The following ULK4 variants were observed in gnomAD, a reference collection of about 807,000 sequenced individuals.
ULK4 encodes unc-51 like kinase 4, also known as inactive serine/threonine-protein kinase ULK4.
In ULK4, 133 loss-of-function variants were observed where a neutral mutation model predicts 160.6. That is an observed-to-expected ratio of 0.83 (90% CI 0.72 to 0.96). The LOEUF (loss-of-function observed/expected upper bound fraction) is 0.96, where lower values mean the gene tolerates loss of function less well. ULK4 is among the 40% of genes least tolerant of loss of function. The pLI, the probability that ULK4 is intolerant of heterozygous loss-of-function variation, is 0.00. For synonymous variants in ULK4, 534 were observed against 539.8 expected (o/e 0.99, Z 0.15); for missense variants, 1,580 against 1,499.5 (o/e 1.05, Z -0.89).
At chr3:41,564,752 C>T (rs1365094574) in intron 32 of ULK4, among the ~76,000 whole-genome samples, 1 of 151,958 alleles carries the variant, frequency 6.6e-6, no homozygotes, top group Admixed American at 6.5e-5. Flanking sequence ...AGCCACTGCA[C>T]CCGGCCATAA....
chr3:41,689,021 C>T (rs1454057469), intron 27 of ULK4, among the ~76,000 whole-genome samples: 1 of 152,076 alleles, frequency 6.6e-6, no homozygotes, highest in Non-Finnish European at 1.5e-5. Context: ...AACTTAGGGC[C>T]GACTAGAGAA....
At chr3:41,458,713 C>T (rs908047199) in intron 33 of ULK4, among the ~76,000 whole-genome samples, 2 of 152,120 alleles carry the variant, frequency 1.3e-5, no homozygotes, top group African/African-American at 4.8e-5. Context: ...AGAAGTAAGG[C>T]ATCTATAAAG....
chr3:41,673,000 G>T (rs759568635), intron 29 of ULK4, among the ~76,000 whole-genome samples: 1 of 151,942 alleles, frequency 6.6e-6, no homozygotes, highest in Non-Finnish European at 1.5e-5. Flanking sequence ...ACCATGCCCA[G>T]CTAATTTTTT....
chr3:41,668,799 A>G (rs2035435570), intron 29 of ULK4, among the ~76,000 whole-genome samples: 1 of 152,224 alleles, frequency 6.6e-6, no homozygotes, highest in Non-Finnish European at 1.5e-5. Context: ...ACTTTATTAG[A>G]ATACCAAAAA....
chr3:41,904,510 T>C (rs560556796), intron 12 of ULK4, among the ~76,000 whole-genome samples: 10 of 152,234 alleles, frequency 6.6e-5, no homozygotes, highest in Non-Finnish European at 1.0e-4. Context: ...ATTGATTATA[T>C]TTTCTCAATA....
intron 35 of ULK4, among the ~76,000 whole-genome samples, chr3:41,380,714 C>CT (rs955652979): frequency 1.3e-5 from 2 of 152,160 alleles, no homozygotes; most frequent in African/African-American, 4.8e-5. Context: ...GGTCAGCCTT[C>CT]TTCCCCTGGG....
At chr3:41,435,754 C>G (rs1303988056) in intron 34 of ULK4, among the ~76,000 whole-genome samples, 1 of 152,096 alleles carries the variant, frequency 6.6e-6, no homozygotes, top group Non-Finnish European at 1.5e-5. Context: ...CAAGACCAGC[C>G]TGACCAACAT....
At chr3:41,894,932 A>C (rs548987384) in intron 16 of ULK4, among the ~76,000 whole-genome samples, 1 of 152,340 alleles carries the variant, frequency 6.6e-6, no homozygotes, top group South Asian at 2.1e-4. Context: ...TTCTGTAAAA[A>C]GCAAGGACAC....
intron 35 of ULK4, among the ~76,000 whole-genome samples, chr3:41,259,004 GTATACATA>G (rs1015796922): frequency 2.2e-4 from 32 of 145,470 alleles, no homozygotes; most frequent in Non-Finnish European, 4.0e-4. Flanking sequence ...ATATACATAT[GTATACATA>G]TATACATATC....
chr3:41,838,324 A>C (rs1232614002), intron 17 of ULK4, among the ~76,000 whole-genome samples: 1 of 152,220 alleles, frequency 6.6e-6, no homozygotes, highest in Non-Finnish European at 1.5e-5. Flanking sequence ...TTCTAAAGAC[A>C]TTTAGAGAAT....
intron 35 of ULK4, among the ~76,000 whole-genome samples, chr3:41,384,274 A>T (rs1018607558): frequency 3.3e-5 from 5 of 152,292 alleles, no homozygotes; most frequent in African/African-American, 1.2e-4. Context: ...GATATTCCAT[A>T]AGACAAGTGA....
intron 18 of ULK4, among the ~76,000 whole-genome samples, chr3:41,822,309 A>G (rs1265865964): frequency 6.6e-6 from 1 of 152,192 alleles, no homozygotes; most frequent in East Asian, 1.9e-4. Context: ...ACTCTTCTTA[A>G]TAACGGCCGT....
chr3:41,504,655 G>GA (rs1261392190), intron 32 of ULK4, among the ~76,000 whole-genome samples: 1 of 152,090 alleles, frequency 6.6e-6, no homozygotes, highest in South Asian at 2.1e-4. Flanking sequence ...CTTTCAGACA[G>GA]AAAAAAATCT....
chr3:41,706,818 ACT>A (rs1164499615), intron 25 of ULK4, among the ~76,000 whole-genome samples: 295 of 125,334 alleles, frequency 2.4e-3, no homozygotes, highest in Non-Finnish European at 3.7e-3. Context: ...ACAGAGCGAG[ACT>A]CTGTCTCAAA....
chr3:41,699,030 T>C (rs1055853889), intron 27 of ULK4, among the ~76,000 whole-genome samples: 15 of 152,330 alleles, frequency 9.8e-5, no homozygotes, highest in Admixed American at 5.9e-4. Context: ...TACTCATCCA[T>C]AGACTGTTGA....
At chr3:41,773,167 G>GA (rs2039464064) in intron 21 of ULK4, among the ~76,000 whole-genome samples, 1 of 152,128 alleles carries the variant, frequency 6.6e-6, no homozygotes, top group Non-Finnish European at 1.5e-5. Context: ...GCACAAGACA[G>GA]GGATGCCCTC....
intron 34 of ULK4, among the ~76,000 whole-genome samples, chr3:41,449,795 C>CT (rs1358678527): frequency 6.7e-6 from 1 of 150,306 alleles, no homozygotes; most frequent in Admixed American, 6.7e-5. Context: ...TGTTAATTTA[C>CT]TTTTTTTTAA....
chr3:41,261,249 C>T (rs985786393), intron 35 of ULK4, among the ~76,000 whole-genome samples: 3 of 152,160 alleles, frequency 2.0e-5, no homozygotes, highest in Non-Finnish European at 2.9e-5. Flanking sequence ...CATTTCTGAG[C>T]ACCTACTATA....
At chr3:41,316,692 C>T (rs2080148564) in intron 35 of ULK4, among the ~76,000 whole-genome samples, 1 of 152,272 alleles carries the variant, frequency 6.6e-6, no homozygotes, top group Admixed American at 6.5e-5. Context: ...GCAATATACT[C>T]ACCATGTGAC....
Sources: gnomAD v4.1 joint callset for allele counts (sites outside exome capture counted in the v4.1 genomes callset) on GRCh38, gnomAD v4.1.1 for gene constraint, MANE v1.5 for transcripts, NCBI Gene and HGNC (gene_info 2026-07-23, HGNC 2026-07-21) for gene names.